Variants in KDM4C observed in about 807,000 individuals in gnomAD.
KDM4C encodes the protein lysine-specific demethylase 4C.
Under a neutral mutation model 129.3 loss-of-function variants are expected in KDM4C, and 81 were observed. The ratio of observed to expected loss-of-function variants is 0.63; its 90% CI spans 0.52 to 0.75. The LOEUF (loss-of-function observed/expected upper bound fraction) is 0.75. Among genes scored for constraint, KDM4C ranks in the 30% least tolerant of loss-of-function variants. The pLI, the probability that KDM4C is intolerant of heterozygous loss-of-function variation, is 0.00. For synonymous variants in KDM4C, 573 were observed against 456.1 expected (o/e 1.26, Z -3.26); for missense variants, 1,457 against 1,304.0 (o/e 1.12, Z -1.81).
rs1285035557 is a variant in KDM4C at position 7,160,550 on chromosome 9, C to G, written c.2782-4688C>G. ...TTTTTTGTCGATGTTGATGCTATTC[C>G]CTTCCGGTTGTTAGTTTTCCTTCTA... On this transcript the variant is annotated intron_variant, in intron 19 of 21. Coordinates refer to ENST00000381309, the MANE Select transcript of KDM4C (RefSeq NM_015061.6). Among the ~76,000 whole-genome samples, 3 of 152,166 alleles carry G rather than the reference C, an allele frequency of 2.0e-5. No homozygotes were observed. The East Asian group carries it at 5.8e-4, about 29-fold the overall frequency.
chr9:6,821,368 C>G (rs369497788), intron 4 of KDM4C, among the ~76,000 whole-genome samples: 1 of 152,146 alleles, frequency 6.6e-6, no homozygotes, highest in East Asian at 1.9e-4. Flanking sequence ...TTTTCCACAT[C>G]CTCTCCAGCA....
At position 7,088,175 on chromosome 9, in the gene KDM4C, C is replaced by T. The variant is rs141845883; in HGVS notation, c.2425-15510C>T. ...CCCCGTATCCACTTGCTTCTTCCTCCAGGCCTGGAGGCCCTGCTTTGTCTG... is the reference window on the plus strand; with the variant it reads ...CCCCGTATCCACTTGCTTCTTCCTCTAGGCCTGGAGGCCCTGCTTTGTCTG... On this transcript the variant is annotated intron_variant, in intron 17 of 21. Transcript: ENST00000381309. 2.6e-4 allele frequency among the ~76,000 whole-genome samples: 40 copies of T among 152,324 alleles called. 1 individual carries two copies. In the East Asian group the frequency reaches 7.2e-3, roughly 27 times the overall value.
chr9:6,811,608 G>A (rs1200498115), intron 3 of KDM4C, among the ~76,000 whole-genome samples: 2 of 152,186 alleles, frequency 1.3e-5, no homozygotes, highest in African/African-American at 4.8e-5. Flanking sequence ...TAGGTAATAT[G>A]AATCACATTA....
At chr9:6,949,838 G>A (rs1229233198) in intron 8 of KDM4C, among the ~76,000 whole-genome samples, 1 of 138,466 alleles carries the variant, frequency 7.2e-6, no homozygotes, top group African/African-American at 2.9e-5. Flanking sequence ...CGTGGAGGGA[G>A]AGGGAGACCG....
intron 3 of KDM4C, among the ~76,000 whole-genome samples, chr9:6,806,553 C>G (rs1830009661): frequency 6.6e-6 from 1 of 151,764 alleles, no homozygotes; most frequent in African/African-American, 2.4e-5. Context: ...ATCTTAGCTG[C>G]TTAAACCAAC....
rs1840932370 is a variant in KDM4C at position 6,861,605 on chromosome 9, A to G, written c.629+11905A>G. On this transcript the variant is annotated intron_variant, in intron 5 of 21. Coordinates refer to ENST00000381309, the MANE Select transcript of KDM4C (RefSeq NM_015061.6). ...GTTGCATAAGAGAAATCTACAGACA[A>G]CATACCTCAAACTTAATATAGCCAA... 3.3e-5 allele frequency among the ~76,000 whole-genome samples: 5 copies of G among 152,308 alleles called. No homozygotes were observed. The East Asian group carries it at 5.8e-4, about 18-fold the overall frequency.
At position 6,869,230 on chromosome 9, in the gene KDM4C, A is replaced by G. The variant is rs1334680907; in HGVS notation, c.630-10782A>G. Among the ~76,000 whole-genome samples the G allele has an allele frequency of 2.6e-5, 4 of 152,212 alleles. No individual in the cohort carries two copies. In the East Asian group the frequency reaches 5.8e-4, roughly 22 times the overall value. ...ATGGTTGCTAGGGTTTCTGGTTTTC[A>G]TCTGAATGTTATGTCAGGAAATGGG... is the stretch of plus-strand genomic sequence containing the variant. On this transcript the variant is annotated intron_variant, in intron 5 of 21. Coordinates refer to ENST00000381309, the MANE Select transcript of KDM4C (RefSeq NM_015061.6).
chr9:7,007,326 G>T lies in KDM4C; in HGVS notation c.1787-4372G>T, dbSNP rs377440191. Among the ~76,000 whole-genome samples the T allele has an allele frequency of 2.6e-4, 40 of 152,340 alleles. No individual in the cohort carries two copies. The East Asian group carries it at 4.0e-3, about 15-fold the overall frequency. On this transcript the variant is annotated intron_variant, in intron 12 of 21. Coordinates refer to ENST00000381309, the MANE Select transcript of KDM4C (RefSeq NM_015061.6). ...TTTTTGTAAAAATCTTAGTCTAGGA[G>T]TACGGGTTTCCACCATGAAGTAAGA...
intron 4 of KDM4C, among the ~76,000 whole-genome samples, chr9:6,832,301 C>T (rs372619664): frequency 2.0e-5 from 3 of 147,472 alleles, no homozygotes; most frequent in Non-Finnish European, 4.5e-5. Flanking sequence ...GATTGCGCCA[C>T]TGCACTCCAG....
intron 4 of KDM4C, chr9:6,818,928 A>G (rs1234098503): frequency 6.6e-6 from 1 of 152,034 alleles, no homozygotes; most frequent in Non-Finnish European, 1.5e-5. Flanking sequence ...TGATGGGTAT[A>G]TTTTGTACTT....
intron 17 of KDM4C, among the ~76,000 whole-genome samples, chr9:7,075,032 GT>G (rs1207187980): frequency 6.6e-6 from 1 of 152,104 alleles, no homozygotes; most frequent in Non-Finnish European, 1.5e-5. Flanking sequence ...AATAAACAGA[GT>G]CTCCTCTTTC....
chr9:6,742,421 A>G (rs753277671), intron 1 of KDM4C, among the ~76,000 whole-genome samples: 14 of 152,032 alleles, frequency 9.2e-5, no homozygotes, highest in African/African-American at 1.2e-4. Context: ...TTATTTTATT[A>G]TCAAGCAGCC....
At chr9:7,115,446 G>T (rs1230327546) in intron 18 of KDM4C, among the ~76,000 whole-genome samples, 1 of 152,034 alleles carries the variant, frequency 6.6e-6, no homozygotes, top group African/African-American at 2.4e-5. Flanking sequence ...AGATACAGTA[G>T]AAAAATATAA....
chr9:6,911,521 A>G (rs1819298739), intron 8 of KDM4C, among the ~76,000 whole-genome samples: 1 of 152,224 alleles, frequency 6.6e-6, no homozygotes, highest in Admixed American at 6.5e-5. Flanking sequence ...TTTAGAATGA[A>G]TAGTGTTAAA....
At chr9:6,958,157 G>T (rs1341416885) in intron 8 of KDM4C, among the ~76,000 whole-genome samples, 1 of 151,258 alleles carries the variant, frequency 6.6e-6, no homozygotes, top group East Asian at 1.9e-4. Context: ...CTCCAACCAG[G>T]TGTTTCCAAA....
intron 8 of KDM4C, among the ~76,000 whole-genome samples, chr9:6,938,171 A>T (rs1254116652): frequency 6.6e-6 from 1 of 152,098 alleles, no homozygotes; most frequent in Non-Finnish European, 1.5e-5. Context: ...CAATGTTTGC[A>T]TGTTTGTGTG....
In KDM4C at chr9:6,889,461, G is replaced by T. The variant is rs1461812535; in HGVS notation, c.783+1398G>T. On this transcript the variant is annotated intron_variant, in intron 7 of 21. Transcript: ENST00000381309. ...TGCCTCCGAGATGTGCACCGTGGGG[G>T]CTGCCTGCGGGTGTAGGGAGGCACT... Among the ~76,000 whole-genome samples, 3 of 152,146 alleles carry T rather than the reference G, an allele frequency of 2.0e-5. No homozygotes were observed. The East Asian group carries it at 5.8e-4, about 29-fold the overall frequency.
intron 1 of KDM4C, among the ~76,000 whole-genome samples, chr9:6,788,738 G>A (rs1024632792): frequency 6.6e-6 from 1 of 152,184 alleles, no homozygotes; most frequent in Non-Finnish European, 1.5e-5. Context: ...TCAGTGGGTG[G>A]TTGGAAGTGC....
Position 7,174,898 on chromosome 9 carries a change from C to G in KDM4C, c.*169C>G. The G allele has an allele frequency of 1.8e-6, 1 of 548,996 alleles. No homozygotes were observed. Among genetic ancestry groups the G allele is most frequent in the Non-Finnish European group, 3.3e-6 (1 of 306,300 alleles). The allele number at this position is 548,996 out of a possible 1,614,324, so 34.0% of individuals were successfully genotyped here. A position where few individuals can be genotyped will look rare whatever the true frequency, so the allele number is the denominator to read the frequency against. On this transcript the variant is annotated 3_prime_UTR_variant, in exon 22 of 22. Coordinates refer to ENST00000381309, the MANE Select transcript of KDM4C (RefSeq NM_015061.6). ...TGGTCACCAAAAATACAAAATACAC[C>G]CAATGAATTGGACGCAGCAATCTGA...
Sources: allele counts gnomAD v4.1 joint callset (sites outside exome capture counted in the v4.1 genomes callset), GRCh38; gene constraint gnomAD v4.1.1; transcripts MANE v1.5; gene names NCBI Gene and HGNC (gene_info 2026-07-23, HGNC 2026-07-21).